Variants in TMEM132B observed in about 807,000 individuals in gnomAD.
TMEM132B encodes the protein transmembrane protein 132B.
TMEM132B carries 18 observed loss-of-function variants against 90.8 expected under a neutral mutation model. The observed-to-expected ratio is 0.20, with a 90% CI of 0.14 to 0.29. The LOEUF (loss-of-function observed/expected upper bound fraction) is 0.29, where lower values mean the gene tolerates loss of function less well. TMEM132B is among the 10% of genes least tolerant of loss of function. The probability of loss-of-function intolerance (pLI) is 1.00; values close to 1 mark genes in which losing one functional copy is unlikely to be tolerated. For missense variants in TMEM132B, 1,096 were observed against 1,326.8 expected, an observed-to-expected ratio of 0.83 and a Z score of 2.70; for synonymous variants, 504 against 523.3, an observed-to-expected ratio of 0.96 and a Z score of 0.50.
intron 1 of TMEM132B, among the ~76,000 whole-genome samples, chr12:125,244,236 C>T (rs927550201): frequency 1.2e-4 from 18 of 152,230 alleles, no homozygotes; most frequent in Non-Finnish European, 8.8e-5. Flanking sequence ...ACATTTTTCC[C>T]GAACACCCAT....
intron 3 of TMEM132B, among the ~76,000 whole-genome samples, chr12:125,468,610 A>C (rs1881632737): frequency 6.6e-6 from 1 of 152,146 alleles, no homozygotes; most frequent in African/African-American, 2.4e-5. Context: ...AATCTGTTCC[A>C]TTTGTGCATA....
At chr12:125,626,555 T>A (rs1210003138) in intron 5 of TMEM132B, among the ~76,000 whole-genome samples, 1 of 152,176 alleles carries the variant, frequency 6.6e-6, no homozygotes, top group Non-Finnish European at 1.5e-5. Context: ...TGATAGATTT[T>A]TTTTGGCTGG....
chr12:125,403,902 T>C (rs940170530), intron 2 of TMEM132B, among the ~76,000 whole-genome samples: 12 of 152,224 alleles, frequency 7.9e-5, no homozygotes, highest in African/African-American at 2.9e-4. Flanking sequence ...TGGCTCAAGA[T>C]TGAGCACTCA....
intron 3 of TMEM132B, among the ~76,000 whole-genome samples, chr12:125,512,003 T>C (rs901070283): frequency 3.3e-5 from 5 of 152,090 alleles, no homozygotes; most frequent in Non-Finnish European, 7.4e-5. Context: ...CATAAGGTCA[T>C]GCCATGTCCC....
At chr12:125,462,098 A>G (rs986324386) in intron 3 of TMEM132B, among the ~76,000 whole-genome samples, 1 of 152,212 alleles carries the variant, frequency 6.6e-6, no homozygotes, top group Non-Finnish European at 1.5e-5. Flanking sequence ...CTCCATCTGA[A>G]GCACGTGGAC....
chr12:125,309,314 G>A (rs1565998564), intron 1 of TMEM132B, among the ~76,000 whole-genome samples: 1 of 152,188 alleles, frequency 6.6e-6, no homozygotes, highest in African/African-American at 2.4e-5. Context: ...CCTGCCAGAT[G>A]TTTGTTCTTT....
chr12:125,589,218 C>CA lies in TMEM132B; in HGVS notation c.1437+5225dup, dbSNP rs1207216545. 2.6e-5 allele frequency among the ~76,000 whole-genome samples: 4 copies of CA among 152,036 alleles called. 1 individual carries two copies. Among genetic ancestry groups the CA allele is most frequent in the African/African-American group, 9.7e-5 (4 of 41,410 alleles). ...ATACCTGAGGCCGGGCACGGTGGCT[C>CA]ACGCCTGTAATCCCAGCACTTTGGG... is the stretch of plus-strand genomic sequence containing the variant. On this transcript the variant is annotated intron_variant, in intron 5 of 8. Transcript: ENST00000682704.
chr12:125,517,799 G>A (rs1883206874), intron 3 of TMEM132B, among the ~76,000 whole-genome samples: 1 of 152,156 alleles, frequency 6.6e-6, no homozygotes, highest in East Asian at 1.9e-4. Flanking sequence ...GGAAGCTGAT[G>A]GCGGAATGGG....
intron 3 of TMEM132B, among the ~76,000 whole-genome samples, chr12:125,433,848 G>C (rs767218614): frequency 2.0e-5 from 3 of 151,834 alleles, no homozygotes; most frequent in African/African-American, 7.3e-5. Context: ...CTTAAAGTTC[G>C]CAATGTAATG....
At chr12:125,345,067 A>G (rs1229950842) in intron 1 of TMEM132B, among the ~76,000 whole-genome samples, 2 of 152,122 alleles carry the variant, frequency 1.3e-5, no homozygotes, top group African/African-American at 4.8e-5. Flanking sequence ...AGTGAATTGT[A>G]TCAGTTGTTA....
intron 4 of TMEM132B, among the ~76,000 whole-genome samples, chr12:125,551,751 C>G (rs1884235276): frequency 6.6e-6 from 1 of 152,112 alleles, no homozygotes; most frequent in Non-Finnish European, 1.5e-5. Context: ...AAGGGCTGGT[C>G]AGCTGGGGGC....
intron 1 of TMEM132B, among the ~76,000 whole-genome samples, chr12:125,267,165 A>C (rs184477960): frequency 1.1e-4 from 17 of 152,168 alleles, no homozygotes; most frequent in Non-Finnish European, 7.4e-5. Flanking sequence ...ATCCCCATGT[A>C]GGAGTTGCTC....
chr12:125,443,544 G>T (rs935009328), intron 3 of TMEM132B, among the ~76,000 whole-genome samples: 3 of 152,140 alleles, frequency 2.0e-5, no homozygotes, highest in African/African-American at 7.2e-5. Context: ...GAATTGACGG[G>T]ATTCTGTGCT....
rs1053445503 is a variant in TMEM132B, at chr12:125,272,749, A to T, written c.68-76703A>T. Among the ~76,000 whole-genome samples, 3 of 152,234 alleles carry T rather than the reference A, an allele frequency of 2.0e-5. No individual in the cohort carries two copies. The East Asian group carries it at 5.8e-4, about 29-fold the overall frequency. The stretch of plus-strand genomic sequence containing the variant: ...TTATTAAATGACCCAATGAAAGAAT[A>T]AAAACCCTCCAACACATCAGGGATT... On this transcript the variant is annotated intron_variant, in intron 1 of 8. Transcript: ENST00000682704.
At chr12:125,424,100 A>G (rs1005765260) in intron 3 of TMEM132B, among the ~76,000 whole-genome samples, 6 of 152,064 alleles carry the variant, frequency 3.9e-5, no homozygotes, top group Non-Finnish European at 7.4e-5. Context: ...CATTCCCCAT[A>G]TTTCATTTTT....
chr12:125,641,171 A>G (rs913378846), intron 5 of TMEM132B, among the ~76,000 whole-genome samples: 1 of 152,196 alleles, frequency 6.6e-6, no homozygotes, highest in Non-Finnish European at 1.5e-5. Flanking sequence ...TGAGACAAGA[A>G]GGCAGAGCGA....
intron 6 of TMEM132B, among the ~76,000 whole-genome samples, chr12:125,647,257 G>A (rs1442365693): frequency 6.6e-6 from 1 of 152,152 alleles, no homozygotes; most frequent in East Asian, 1.9e-4. Context: ...ATTAGAATCC[G>A]AGAACAAGAG....
At chr12:125,328,827 T>C (rs1157810586) in intron 1 of TMEM132B, among the ~76,000 whole-genome samples, 2 of 152,180 alleles carry the variant, frequency 1.3e-5, no homozygotes, top group Non-Finnish European at 1.5e-5. Context: ...CCTCGGTACA[T>C]GTGCCCTCAT....
chr12:125,448,114 A>G (rs565475789), intron 3 of TMEM132B, among the ~76,000 whole-genome samples: 13 of 152,268 alleles, frequency 8.5e-5, no homozygotes, highest in Non-Finnish European at 1.8e-4. Context: ...AAATACAAAA[A>G]TTAGCTGGGC....
Sources: gnomAD v4.1 joint callset for allele counts (sites outside exome capture counted in the v4.1 genomes callset) on GRCh38, gnomAD v4.1.1 for gene constraint, MANE v1.5 for transcripts, NCBI Gene and HGNC (gene_info 2026-07-23, HGNC 2026-07-21) for gene names.